FCHSD2: variants seen among roughly 807,000 people sequenced by gnomAD.
The protein encoded by FCHSD2 is F-BAR and double SH3 domains protein 2.
In FCHSD2, 38 loss-of-function variants were observed where a neutral mutation model predicts 108.1. The observed-to-expected ratio is 0.35, with a 90% CI of 0.27 to 0.46. The LOEUF (loss-of-function observed/expected upper bound fraction) is 0.46. Among genes scored for constraint, FCHSD2 ranks in the 20% least tolerant of loss-of-function variants. FCHSD2 has a pLI of 1.00. For missense variants in FCHSD2, 751 were observed against 897.8 expected, an observed-to-expected ratio of 0.84 and a Z score of 2.09; for synonymous variants, 279 against 314.7, an observed-to-expected ratio of 0.89 and a Z score of 1.20.
chr11:72,858,148 C>T (rs369313444), intron 13 of FCHSD2, among the ~76,000 whole-genome samples: 8 of 152,210 alleles, frequency 5.3e-5, no homozygotes, highest in African/African-American at 1.9e-4. Flanking sequence ...CTGGTAATAC[C>T]TAATACAGAG....
intron 8 of FCHSD2, 26 bp from the exon 9 acceptor site, chr11:72,921,976 A>G: frequency 6.5e-7 from 1 of 1,533,114 alleles, no homozygotes; most frequent in South Asian, 1.2e-5. Context: ...AAATAAAAGA[A>G]AAAAAATTAC....
At chr11:72,883,740 G>C (rs1285561155) in intron 12 of FCHSD2, among the ~76,000 whole-genome samples, 2 of 152,096 alleles carry the variant, frequency 1.3e-5, no homozygotes, top group South Asian at 2.1e-4. Context: ...AGACCAGCCT[G>C]GGCAACATGG....
intron 14 of FCHSD2, 27 bp downstream of exon 14, chr11:72,849,728 A>G (rs901665158): frequency 1.9e-6 from 3 of 1,564,320 alleles, no homozygotes; most frequent in Admixed American, 3.4e-5. Flanking sequence ...TCAGAATTTA[A>G]TAACATTATG....
At chr11:72,943,450 GAA>G in intron 8 of FCHSD2, among the ~76,000 whole-genome samples, 1 of 152,250 alleles carries the variant, frequency 6.6e-6, no homozygotes, top group Non-Finnish European at 1.5e-5. Flanking sequence ...ACTGAATCAG[GAA>G]AAAGACAGCA....
At chr11:72,859,362 G>A (rs1398350282) in intron 13 of FCHSD2, among the ~76,000 whole-genome samples, 2 of 152,192 alleles carry the variant, frequency 1.3e-5, no homozygotes, top group South Asian at 2.1e-4. Flanking sequence ...TGGCCATCTC[G>A]GTTATCCCAA....
intron 4 of FCHSD2, among the ~76,000 whole-genome samples, chr11:73,004,604 T>C (rs1461302977): frequency 1.3e-5 from 2 of 152,222 alleles, no homozygotes; most frequent in Non-Finnish European, 2.9e-5. Context: ...CTCCCTTATG[T>C]ATGCCCTTTT....
rs770707766 is a variant in FCHSD2, at chr11:72,843,160, C to A, written c.1696G>T (p.Asp566Tyr). Residue 566 changes from aspartate to tyrosine, a missense_variant, in exon 16 of 20, where the codon GAT becomes TAT. By Grantham distance (160) the Asp-to-Tyr change is radical. Transcript: ENST00000409418. Reference sequence around the variant, plus strand: ...TTGTTTCAGTCTTTACCACTGGCATCTCCGTTGAGGCTGCCTGAAACGAGT... The same window carrying A: ...TTGTTTCAGTCTTTACCACTGGCATATCCGTTGAGGCTGCCTGAAACGAGT... ...AELVSGSLNG[D>Y]ASVCFVKALY... 2 of 1,613,990 alleles carry A rather than the reference C, an allele frequency of 1.2e-6. No individual in the cohort carries two copies. Among genetic ancestry groups the A allele is most frequent in the Non-Finnish European group, 1.7e-6 (2 of 1,179,876 alleles).
intron 8 of FCHSD2, among the ~76,000 whole-genome samples, chr11:72,972,850 CA>C (rs1857032820): frequency 1.3e-5 from 2 of 152,330 alleles, no homozygotes; most frequent in South Asian, 4.1e-4. Context: ...AGTACAAACT[CA>C]AATGCTTCCC....
chr11:72,946,937 C>T (rs1856531904), intron 8 of FCHSD2, among the ~76,000 whole-genome samples: 1 of 152,182 alleles, frequency 6.6e-6, no homozygotes, highest in Non-Finnish European at 1.5e-5. Context: ...GCACCAGGTG[C>T]CCCTCTTTGT....
At chr11:72,901,348 G>T (rs1294668564) in intron 10 of FCHSD2, among the ~76,000 whole-genome samples, 1 of 152,024 alleles carries the variant, frequency 6.6e-6, no homozygotes, top group Non-Finnish European at 1.5e-5. Context: ...AGTGAGCTGA[G>T]ATCACGCTAC....
chr11:72,841,514 G>C lies in FCHSD2; in HGVS notation c.1996C>G (p.Pro666Ala). 9 of 1,611,432 alleles carry C rather than the reference G, an allele frequency of 5.6e-6. No homozygotes were observed. The highest frequency in any genetic ancestry group is 7.6e-6 in the Non-Finnish European group (9 of 1,178,920). The change falls in exon 18 of 20, where the codon CCC becomes GCC. Residue 666 changes from proline to alanine, a missense_variant. Pro to Ala is a conservative substitution (Grantham distance 27). Transcript: ENST00000409418. ...LPLYDQPPSS[P>A]YPSPDKRSSL... Reference sequence around the variant, plus strand: ...CTCCTCTTATCTGGGCTGGGGTAGGGGCTGCTGGGAGGCTGGTCGTACAAC... The same window carrying C: ...CTCCTCTTATCTGGGCTGGGGTAGGCGCTGCTGGGAGGCTGGTCGTACAAC...
At chr11:73,051,619 C>T (rs950445450) in intron 3 of FCHSD2, among the ~76,000 whole-genome samples, 1 of 152,062 alleles carries the variant, frequency 6.6e-6, no homozygotes, top group African/African-American at 2.4e-5. Flanking sequence ...AAAAGTATGA[C>T]TGACAGCAAA....
rs956790677 is a variant in FCHSD2, at chr11:72,999,317, T to C, written c.387+1673A>G. Among the ~76,000 whole-genome samples, 14 of 137,484 alleles carry C rather than the reference T, an allele frequency of 1.0e-4. No individual in the cohort carries two copies. The East Asian group carries it at 2.0e-3, about 20-fold the overall frequency. The allele number at this position is 137,484 out of a possible 152,430, so 90.2% of individuals were successfully genotyped here. The stretch of plus-strand genomic sequence containing the variant: ...TTTGTTGAATCTTACCAAAGATTCT[T>C]TTTTTTTTTTTTTTTTTTTTGAGAT... On this transcript the variant is annotated intron_variant, in intron 5 of 19. Transcript: ENST00000409418.
chr11:72,943,967 G>GCACACAC (rs1292594339), intron 8 of FCHSD2, among the ~76,000 whole-genome samples: 1 of 152,072 alleles, frequency 6.6e-6, no homozygotes, highest in Non-Finnish European at 1.5e-5. Context: ...TCTATTGCAT[G>GCACACAC]ACATGGAGGT....
At chr11:73,070,401 C>A (rs1032883057) in intron 3 of FCHSD2, among the ~76,000 whole-genome samples, 5 of 152,090 alleles carry the variant, frequency 3.3e-5, no homozygotes, top group Non-Finnish European at 7.4e-5. Flanking sequence ...AAAGTAGATA[C>A]TTGATAAATG....
intron 8 of FCHSD2, among the ~76,000 whole-genome samples, chr11:72,962,596 T>TC (rs536823220): frequency 0.35 from 17,204 of 48,556 alleles, 1,367 homozygotes; most frequent in Non-Finnish European, 0.43. Flanking sequence ...TGAACTAAAT[T>TC]CCCCCTTTTT....
intron 5 of FCHSD2, among the ~76,000 whole-genome samples, chr11:72,991,485 C>A (rs181431934): frequency 7.7e-4 from 118 of 152,322 alleles, no homozygotes; most frequent in African/African-American, 2.6e-3. Context: ...CAAACCAAAT[C>A]CAGCAGCACA....
intron 9 of FCHSD2, among the ~76,000 whole-genome samples, chr11:72,917,748 C>A (rs1018173530): frequency 2.6e-5 from 4 of 152,092 alleles, no homozygotes; most frequent in African/African-American, 7.2e-5. Flanking sequence ...ATTAGCCAGG[C>A]GTGGTGGCAT....
Position 72,867,915 on chromosome 11 carries a change from C to T in FCHSD2, c.1258G>A (p.Glu420Lys). 2 of 1,611,668 alleles carry T rather than the reference C, an allele frequency of 1.2e-6. No individual in the cohort carries two copies. Among genetic ancestry groups the T allele is most frequent in the South Asian group, 2.2e-5 (2 of 90,248 alleles). The change falls in exon 13 of 20, where the codon GAG becomes AAG. Residue 420 changes from glutamate (E) to lysine (K), a missense_variant. Physicochemically the swap from Glu to Lys is moderately conservative, Grantham distance 56. Transcript: ENST00000409418. ...ACTGCAGGAGGGCGGGCCCATCGCT[C>T]ATTTTCCAGTTCTTCCATTACTTGG... ...MNQVMEELEN[E>K]RWARPPAVTS...
Sources: gnomAD v4.1 joint callset for allele counts (sites outside exome capture counted in the v4.1 genomes callset) on GRCh38, gnomAD v4.1.1 for gene constraint, MANE v1.5 for transcripts, NCBI Gene and HGNC (gene_info 2026-07-23, HGNC 2026-07-21) for gene names.